KCNK12: variants seen among roughly 807,000 people sequenced by gnomAD.
KCNK12 encodes potassium two pore domain channel subfamily K member 12, also known as potassium channel subfamily K member 12.
Under a neutral mutation model 25.3 loss-of-function variants are expected in KCNK12, and 6 were observed. The ratio of observed to expected loss-of-function variants is 0.24; its 90% CI spans 0.13 to 0.47. The LOEUF is 0.47. KCNK12 is among the 20% of genes least tolerant of loss of function. The pLI is 0.99. For missense variants in KCNK12, 444 were observed against 661.7 expected, an observed-to-expected ratio of 0.67 and a Z score of 3.61; for synonymous variants, 331 against 311.1, an observed-to-expected ratio of 1.06 and a Z score of -0.67.
At chr2:47,527,397 C>T (rs1245733852) in intron 1 of KCNK12, 1 of 152,378 alleles carries the variant, frequency 6.6e-6, no homozygotes, top group African/African-American at 2.4e-5. Flanking sequence ...CTCAGACAAG[C>T]TGGGCTATTT....
chr2:47,562,158 C>T lies in KCNK12; in HGVS notation c.391+7783G>A, dbSNP rs554013189. On this transcript the variant is annotated intron_variant, in intron 1 of 1. Coordinates refer to ENST00000327876, the MANE Select transcript of KCNK12 (RefSeq NM_022055.2). The surrounding 1 kb of genome is among the most constrained non-coding windows in gnomAD (Gnocchi z 4.8). ...GAATGCAGACTGTCAGGTCCCACCC[C>T]AGACCTACTCAACAGAAACTACTTG... The T allele has an allele frequency of 3.6e-4, 144 of 398,644 alleles. 1 individual carries two copies. Among genetic ancestry groups the T allele is most frequent in the African/African-American group, 2.7e-3 (130 of 48,738 alleles). 24.7% of individuals were successfully genotyped at this position (398,644 alleles called of 1,614,324 possible).
At position 47,516,156 on chromosome 2, in the gene KCNK12, C is replaced by T. The variant is rs1378177399; in HGVS notation, c.*4751G>A. Among the ~76,000 whole-genome samples, 1 of 152,150 alleles carries T rather than the reference C, an allele frequency of 6.6e-6. No homozygotes were observed. Among genetic ancestry groups the T allele is most frequent in the African/African-American group, 2.4e-5 (1 of 41,432 alleles). On this transcript the variant is annotated 3_prime_UTR_variant, in exon 2 of 2. Coordinates refer to ENST00000327876, the MANE Select transcript of KCNK12 (RefSeq NM_022055.2). Reference sequence around the variant, plus strand: ...TTCTAAGTGGACGCTCTTTCTACACCACCATAATGTGAGTGTTCTGTGTTT... The same window carrying T: ...TTCTAAGTGGACGCTCTTTCTACACTACCATAATGTGAGTGTTCTGTGTTT...
At chr2:47,523,821 G>A (rs888813412) in intron 1 of KCNK12, among the ~76,000 whole-genome samples, 6 of 152,254 alleles carry the variant, frequency 3.9e-5, no homozygotes, top group African/African-American at 1.4e-4. Flanking sequence ...GGGCATCCCT[G>A]TTTAATTTGT....
At position 47,562,204 on chromosome 2, in the gene KCNK12, T is replaced by C; in HGVS notation, c.391+7737A>G. 1 of 398,560 alleles carries C rather than the reference T, an allele frequency of 2.5e-6. No homozygotes were observed. Among genetic ancestry groups the C allele is most frequent in the Non-Finnish European group, 4.4e-6 (1 of 226,060 alleles). The allele number at this position is 398,560 out of a possible 1,614,324, so 24.7% of individuals were successfully genotyped here. On this transcript the variant is annotated intron_variant, in intron 1 of 1. Coordinates refer to ENST00000327876, the MANE Select transcript of KCNK12 (RefSeq NM_022055.2). The surrounding 1 kb of genome is among the most constrained non-coding windows in gnomAD (Gnocchi z 4.8). The stretch of plus-strand genomic sequence containing the variant: ...ACTTGGTAAGCAGATTCCCAGGTGG[T>C]TCCAGGCACCTTACAGTTTGAAAAG...
rs1299074632 is a variant in KCNK12, at chr2:47,516,809, A to G, written c.*4098T>C. On this transcript the variant is annotated 3_prime_UTR_variant, in exon 2 of 2. Transcript: ENST00000327876. ...AGGGTTTGGGGCCAGGTCCGAGTGC[A>G]GAAATCCTCAATGCATGAGACTAGC... The G allele has an allele frequency of 6.6e-6, 1 of 152,250 alleles. No individual in the cohort carries two copies. Among genetic ancestry groups the G allele is most frequent in the East Asian group, 1.9e-4 (1 of 5,200 alleles). 9.4% of individuals were successfully genotyped at this position (152,250 alleles called of 1,614,324 possible).
At chr2:47,526,597 G>C (rs548635729) in intron 1 of KCNK12, among the ~76,000 whole-genome samples, 1 of 152,116 alleles carries the variant, frequency 6.6e-6, no homozygotes, top group African/African-American at 2.4e-5. Flanking sequence ...GCCGGGCATA[G>C]TGGAGTGCAC....
rs531464175 is a variant in KCNK12 at position 47,518,941 on chromosome 2, A to G, written c.*1966T>C. ...CTGTCAGAGGGCCCTGCCCTAGAGAACACGTGCGCCCCTGCGTGGGCAATC... is the reference window on the plus strand; with the variant it reads ...CTGTCAGAGGGCCCTGCCCTAGAGAGCACGTGCGCCCCTGCGTGGGCAATC... On this transcript the variant is annotated 3_prime_UTR_variant, in exon 2 of 2. Coordinates refer to ENST00000327876, the MANE Select transcript of KCNK12 (RefSeq NM_022055.2). This position sits in a 1 kb window ranked among gnomAD's most constrained non-coding sequence, Gnocchi z 4.1. 6.6e-6 allele frequency: 1 copy of G among 152,378 alleles called. No homozygotes were observed. The highest frequency in any genetic ancestry group is 2.4e-5 in the African/African-American group (1 of 41,586). The allele number at this position is 152,378 out of a possible 1,614,324, so 9.4% of individuals were successfully genotyped here.
rs1477244784 is a variant in KCNK12 at position 47,560,774 on chromosome 2, C to T, written c.391+9167G>A. ...CAGGGAGGGGAGTCAATCAGGGAGA[C>T]CAACAATGCCTCAGTTATCCCCCTC... On this transcript the variant is annotated intron_variant, in intron 1 of 1. Transcript: ENST00000327876. This position sits in a 1 kb window ranked among gnomAD's most constrained non-coding sequence, Gnocchi z 4.7. Among the ~76,000 whole-genome samples the T allele has an allele frequency of 6.6e-6, 1 of 152,142 alleles. No homozygotes were observed. The highest frequency in any genetic ancestry group is 2.4e-5 in the African/African-American group (1 of 41,418).
chr2:47,528,594 T>TC lies in KCNK12; in HGVS notation c.392-6787dup, dbSNP rs553322751. Among the ~76,000 whole-genome samples the TC allele has an allele frequency of 1.1e-3, 165 of 152,150 alleles. No individual in the cohort carries two copies. The highest frequency in any genetic ancestry group is 3.8e-3 in the African/African-American group (159 of 41,504). ...CCCAGCCACCCTGAGAATCTCCTCC[T>TC]CCCCCTCAATCACACCCTGCAGAGG... On this transcript the variant is annotated intron_variant, in intron 1 of 1. Coordinates refer to ENST00000327876, the MANE Select transcript of KCNK12 (RefSeq NM_022055.2). The surrounding 1 kb of genome is among the most constrained non-coding windows in gnomAD (Gnocchi z 4.5).
intron 1 of KCNK12, among the ~76,000 whole-genome samples, chr2:47,534,437 C>CA (rs1669007467): frequency 6.9e-6 from 1 of 144,460 alleles, no homozygotes; most frequent in African/African-American, 2.6e-5. Context: ...TCCAGGCCCC[C>CA]CCCACCGCCA....
At position 47,511,288 on chromosome 2, in the gene KCNK12, G is replaced by A. The variant is rs1441239578; in HGVS notation, c.*9619C>T. On this transcript the variant is annotated 3_prime_UTR_variant, in exon 2 of 2. Transcript: ENST00000327876. The surrounding 1 kb of genome is among the most constrained non-coding windows in gnomAD (Gnocchi z 4.3). ...TTTGTTCCCCTGCTGCCAGAGCATG[G>A]CAGAGTAAATGTGTGAGTTGAAGGG... 6.6e-6 allele frequency among the ~76,000 whole-genome samples: 1 copy of A among 152,164 alleles called. No individual in the cohort carries two copies. Among genetic ancestry groups the A allele is most frequent in the Non-Finnish European group, 1.5e-5 (1 of 68,026 alleles).
rs1414412980 is a variant in KCNK12, at chr2:47,551,618, G to GC, written c.391+18322dup. 6.6e-6 allele frequency among the ~76,000 whole-genome samples: 1 copy of GC among 152,142 alleles called. No homozygotes were observed. The highest frequency in any genetic ancestry group is 6.5e-5 in the Admixed American group (1 of 15,280). ...TCTGGATGCCAAATTAGAATACAGG[G>GC]CCTGCTAACTGTTCTGGAAAGTATG... On this transcript the variant is annotated intron_variant, in intron 1 of 1. Transcript: ENST00000327876. The surrounding 1 kb of genome is among the most constrained non-coding windows in gnomAD (Gnocchi z 5.3).
At chr2:47,545,552 A>G (rs1669295228) in intron 1 of KCNK12, among the ~76,000 whole-genome samples, 1 of 152,198 alleles carries the variant, frequency 6.6e-6, no homozygotes, top group African/African-American at 2.4e-5. Flanking sequence ...CGCAGCACCA[A>G]CTTTGTGGGG....
rs1429860141 is a variant in KCNK12 at position 47,533,272 on chromosome 2, A to G, written c.392-11464T>C. Among the ~76,000 whole-genome samples the G allele has an allele frequency of 3.9e-5, 6 of 152,134 alleles. 1 individual carries two copies. Among genetic ancestry groups the G allele is most frequent in the Non-Finnish European group, 7.4e-5 (5 of 67,998 alleles). On this transcript the variant is annotated intron_variant, in intron 1 of 1. Coordinates refer to ENST00000327876, the MANE Select transcript of KCNK12 (RefSeq NM_022055.2). This position sits in a 1 kb window ranked among gnomAD's most constrained non-coding sequence, Gnocchi z 4.7. ...GTGATCTGCCCACCTTGGCCTCCCA[A>G]AGTGCTGGGATTACATGAGTGCGCC...
Position 47,516,118 on chromosome 2 carries a change from C to T in KCNK12, c.*4789G>A, listed in dbSNP as rs931166227. Among the ~76,000 whole-genome samples, 1 of 152,168 alleles carries T rather than the reference C, an allele frequency of 6.6e-6. No homozygotes were observed. The highest frequency in any genetic ancestry group is 1.5e-5 in the Non-Finnish European group (1 of 68,034). On this transcript the variant is annotated 3_prime_UTR_variant, in exon 2 of 2. Transcript: ENST00000327876. ...GACTGCCAGATCCAAAACTAGAATT[C>T]AGACCTCCTAGTTTCTAAGTGGACG...
rs989176605 is a variant in KCNK12 at position 47,514,151 on chromosome 2, C to A, written c.*6756G>T. 2.0e-5 allele frequency among the ~76,000 whole-genome samples: 3 copies of A among 152,238 alleles called. No homozygotes were observed. The highest frequency in any genetic ancestry group is 7.2e-5 in the African/African-American group (3 of 41,464). Reference sequence around the variant, plus strand: ...TGCTCTGTTCTTCCCACACACTGCTCCTCTGCCTGGGCCACTCTTCCTGCT... The same window carrying A: ...TGCTCTGTTCTTCCCACACACTGCTACTCTGCCTGGGCCACTCTTCCTGCT... On this transcript the variant is annotated 3_prime_UTR_variant, in exon 2 of 2. Coordinates refer to ENST00000327876, the MANE Select transcript of KCNK12 (RefSeq NM_022055.2). This position sits in a 1 kb window ranked among gnomAD's most constrained non-coding sequence, Gnocchi z 5.0.
chr2:47,519,182 A>T lies in KCNK12; in HGVS notation c.*1725T>A. 6.6e-6 allele frequency: 1 copy of T among 152,336 alleles called. No individual in the cohort carries two copies. Among genetic ancestry groups the T allele is most frequent in the East Asian group, 1.9e-4 (1 of 5,174 alleles). 9.4% of individuals were successfully genotyped at this position (152,336 alleles called of 1,614,324 possible). A position where few individuals can be genotyped will look rare whatever the true frequency, so the allele number is the denominator to read the frequency against. ...CCCAACTCAAATCAGAAATTACCCA[A>T]AATAGCTGGAGAGTCACTGAGATCT... is the stretch of plus-strand genomic sequence containing the variant. On this transcript the variant is annotated 3_prime_UTR_variant, in exon 2 of 2. Coordinates refer to ENST00000327876, the MANE Select transcript of KCNK12 (RefSeq NM_022055.2).
chr2:47,525,846 G>A lies in KCNK12; in HGVS notation c.392-4038C>T, dbSNP rs993175070. ...TCCCAAGGACCCATAAATAGATGCCGTGAAAGCACATATGCCTGTTCTAAC... is the reference window on the plus strand; with the variant it reads ...TCCCAAGGACCCATAAATAGATGCCATGAAAGCACATATGCCTGTTCTAAC... On this transcript the variant is annotated intron_variant, in intron 1 of 1. Transcript: ENST00000327876. This position sits in a 1 kb window ranked among gnomAD's most constrained non-coding sequence, Gnocchi z 4.1. Among the ~76,000 whole-genome samples, 8 of 152,114 alleles carry A rather than the reference G, an allele frequency of 5.3e-5. No homozygotes were observed. The highest frequency in any genetic ancestry group is 4.1e-4 in the South Asian group (2 of 4,820).
rs1669861094 is a variant in KCNK12, at chr2:47,570,196, T to G, written c.136A>C (p.Ile46Leu). The change falls in exon 1 of 2, where the codon ATC (isoleucine) becomes CTC (leucine). Residue 46 changes from isoleucine (I) to leucine (L), a missense_variant. By Grantham distance (5) the Ile-to-Leu change is conservative (BLOSUM62 2). Transcript: ENST00000327876. ...TGRFVLLAAL[I>L]GLYLVAGATV... The stretch of plus-strand genomic sequence containing the variant: ...GCACCCGCCACCAGGTAGAGGCCGA[T>G]GAGCGCCGCCAGCAGCACGAAGCGG... 1 of 1,497,870 alleles carries G rather than the reference T, an allele frequency of 6.7e-7. No homozygotes were observed. The highest frequency in any genetic ancestry group is 8.9e-7 in the Non-Finnish European group (1 of 1,128,262). The allele number at this position is 1,497,870 out of a possible 1,614,324, so 92.8% of individuals were successfully genotyped here.
Sources: allele counts gnomAD v4.1 joint callset (sites outside exome capture counted in the v4.1 genomes callset), GRCh38; gene constraint gnomAD v4.1.1; non-coding constraint Gnocchi (gnomAD v3.1); transcripts MANE v1.5; gene names NCBI Gene and HGNC (gene_info 2026-07-23, HGNC 2026-07-21).